Variants in CLPTM1L observed in about 807,000 individuals in gnomAD.
CLPTM1L encodes lipid scramblase CLPTM1L.
A neutral mutation model predicts 70.9 loss-of-function variants in CLPTM1L; 38 were observed. That is an observed-to-expected ratio of 0.54 (90% CI 0.41 to 0.70). The LOEUF (loss-of-function observed/expected upper bound fraction) is 0.70, where lower values mean the gene tolerates loss of function less well. CLPTM1L is among the 30% of genes least tolerant of loss of function. The pLI is 0.00. For synonymous variants in CLPTM1L, 339 were observed against 299.9 expected, an observed-to-expected ratio of 1.13 and a Z score of -1.35; for missense variants, 652 against 705.9, an observed-to-expected ratio of 0.92 and a Z score of 0.87.
chr5:1,319,169 G>T (rs941901907), intron 16 of CLPTM1L, among the ~76,000 whole-genome samples: 1 of 152,174 alleles, frequency 6.6e-6, no homozygotes, highest in Non-Finnish European at 1.5e-5. Flanking sequence ...AGCAGCGTCC[G>T]GGGCTCCGTG....
intron 13 of CLPTM1L, 39 bp from the exon 14 acceptor site, chr5:1,321,858 C>T: frequency 1.9e-6 from 3 of 1,588,312 alleles, no homozygotes; most frequent in Non-Finnish European, 2.6e-6. Context: ...GTGCGGAGGG[C>T]CGGGCTGCCA....
rs1163344577 is a variant in CLPTM1L at position 1,342,974 on chromosome 5, C to G, written c.264-1114G>C. Among the ~76,000 whole-genome samples the G allele has an allele frequency of 1.3e-5, 2 of 152,314 alleles. No homozygotes were observed. Among genetic ancestry groups the G allele is most frequent in the African/African-American group, 4.8e-5 (2 of 41,576 alleles). On this transcript the variant is annotated intron_variant, in intron 2 of 16. Coordinates refer to ENST00000320895, the MANE Select transcript of CLPTM1L (RefSeq NM_030782.5). This position sits in a 1 kb window ranked among gnomAD's most constrained non-coding sequence, Gnocchi z 4.3. ...TTGGGAGGCCGAGCCGGGCAGATCACGAGGTCAGGAGTTTCAGACCAGCCC... is the reference window on the plus strand; with the variant it reads ...TTGGGAGGCCGAGCCGGGCAGATCAGGAGGTCAGGAGTTTCAGACCAGCCC...
chr5:1,335,203 T>G, intron 5 of CLPTM1L, 29 bp from the exon 6 acceptor site: 4 of 1,521,774 alleles, frequency 2.6e-6, no homozygotes, highest in Non-Finnish European at 3.6e-6. Context: ...CTGAGGGCCC[T>G]GCCCTCATAC....
intron 3 of CLPTM1L, among the ~76,000 whole-genome samples, chr5:1,340,933 T>C (rs1753900609): frequency 1.3e-5 from 2 of 152,098 alleles, no homozygotes; most frequent in South Asian, 2.1e-4. Flanking sequence ...ATCCAGCTAA[T>C]TTTTGTATTT....
At chr5:1,332,044 C>T in intron 7 of CLPTM1L, 161 bp from the exon 8 acceptor site, 1 of 638,302 alleles carries the variant, frequency 1.6e-6, no homozygotes, top group Non-Finnish European at 2.8e-6. Flanking sequence ...CCTCTACGCG[C>T]CTGGCCTGCC....
chr5:1,319,132 C>T (rs766560329), intron 16 of CLPTM1L, among the ~76,000 whole-genome samples: 42 of 152,214 alleles, frequency 2.8e-4, no homozygotes, highest in Non-Finnish European at 4.7e-4. Context: ...TTGAAGGGCT[C>T]ACAGTTGAGA....
rs941518051 is a variant in CLPTM1L at position 1,318,247 on chromosome 5, G to A, written c.*122C>T. 2 of 754,530 alleles carry A rather than the reference G, an allele frequency of 2.7e-6. No individual in the cohort carries two copies. The highest frequency in any genetic ancestry group is 4.4e-6 in the Non-Finnish European group (2 of 450,716). 46.7% of individuals were successfully genotyped at this position (754,530 alleles called of 1,614,324 possible). On this transcript the variant is annotated 3_prime_UTR_variant, in exon 17 of 17. Transcript: ENST00000320895. This position sits in a 1 kb window ranked among gnomAD's most constrained non-coding sequence, Gnocchi z 8.9. ...TGATGGGAACTTGGGAGATGTCTGAGAAATGTCCGAAGGGATTTTGGCAAC... is the reference window on the plus strand; with the variant it reads ...TGATGGGAACTTGGGAGATGTCTGAAAAATGTCCGAAGGGATTTTGGCAAC...
At chr5:1,328,060 A>G (rs866837301) in intron 9 of CLPTM1L, among the ~76,000 whole-genome samples, 1 of 130 alleles carries the variant, frequency 7.7e-3, no homozygotes. Context: ...CTCCTCCTCT[A>G]CAGACACATT....
At chr5:1,321,713 G>A in intron 14 of CLPTM1L, 34 bp from the exon 15 acceptor site, 5 of 1,614,006 alleles carry the variant, frequency 3.1e-6, no homozygotes, top group South Asian at 1.1e-5. Context: ...GGTCAGCTGT[G>A]GGCAGCACAG....
At position 1,320,257 on chromosome 5, in the gene CLPTM1L, C is replaced by T. The variant is rs116556954; in HGVS notation, c.1532+359G>A. 1.9e-3 allele frequency: 341 copies of T among 176,812 alleles called. 1 individual carries two copies. Among genetic ancestry groups the T allele is most frequent in the Middle Eastern group, 4.6e-3 (2 of 434 alleles). The allele number at this position is 176,812 out of a possible 1,614,324, so 11.0% of individuals were successfully genotyped here. On this transcript the variant is annotated intron_variant, in intron 16 of 16. Coordinates refer to ENST00000320895, the MANE Select transcript of CLPTM1L (RefSeq NM_030782.5). The stretch of plus-strand genomic sequence containing the variant: ...TGCTGGCTGGACACTTCGAGGCTAG[C>T]GCCAAGTATGGATTAGCCATGCTAC...
At chr5:1,322,976 G>A in intron 12 of CLPTM1L, 65 bp from the exon 13 acceptor site, 2 of 1,448,538 alleles carry the variant, frequency 1.4e-6, no homozygotes, top group South Asian at 2.3e-5. Flanking sequence ...TTAAATTGAT[G>A]AAAAATAATT....
intron 16 of CLPTM1L, among the ~76,000 whole-genome samples, chr5:1,319,639 T>C (rs1468313317): frequency 6.6e-6 from 1 of 152,108 alleles, no homozygotes; most frequent in East Asian, 1.9e-4. Context: ...ACTAGTAGGA[T>C]GGCCCCAGGC....
intron 15 of CLPTM1L, among the ~76,000 whole-genome samples, chr5:1,321,110 A>T (rs556670312): frequency 4.6e-5 from 7 of 152,316 alleles, no homozygotes; most frequent in African/African-American, 1.7e-4. Flanking sequence ...CCAAGGGCAG[A>T]GCCACCTGAG....
intron 9 of CLPTM1L, among the ~76,000 whole-genome samples, chr5:1,327,428 A>C (rs1752677093): frequency 6.9e-6 from 1 of 145,028 alleles, no homozygotes; most frequent in Admixed American, 6.7e-5. Context: ...CTCTACAGAC[A>C]TATTTCATCC....
At chr5:1,337,854 G>C (rs1753675851) in intron 5 of CLPTM1L, 50 bp downstream of exon 5, 1 of 1,446,466 alleles carries the variant, frequency 6.9e-7, no homozygotes, top group Non-Finnish European at 9.6e-7. Context: ...GCCAGTCTTG[G>C]GGTCAGTGTC....
Position 1,324,763 on chromosome 5 carries a change from CTGAG to C in CLPTM1L, c.1193_1196del (p.Thr398ArgfsTer3). 1 of 1,614,068 alleles carries C rather than the reference CTGAG, an allele frequency of 6.2e-7. No homozygotes were observed. Among genetic ancestry groups the C allele is most frequent in the Non-Finnish European group, 8.5e-7 (1 of 1,179,896 alleles). ...GTGCCCTGAATCACAAGTGACTTACCTGAGTATCGTACTCCTCGGTTTTCCTCTC... is the reference window on the plus strand; with the variant it reads ...GTGCCCTGAATCACAAGTGACTTACCTATCGTACTCCTCGGTTTTCCTCTC... On this transcript the variant is annotated frameshift_variant and splice_region_variant, in exon 11 of 17. Coordinates refer to ENST00000320895, the MANE Select transcript of CLPTM1L (RefSeq NM_030782.5). LOFTEE classifies it high-confidence loss of function.
chr5:1,338,766 A>G, intron 4 of CLPTM1L, 94 bp downstream of exon 4: 1 of 1,450,764 alleles, frequency 6.9e-7, no homozygotes, highest in Non-Finnish European at 9.5e-7. Flanking sequence ...CACAGAGGGG[A>G]CTCCACGGTG....
At chr5:1,331,484 G>C (rs1579637847) in intron 8 of CLPTM1L, 2 of 444,760 alleles carry the variant, frequency 4.5e-6, no homozygotes, top group South Asian at 7.9e-5. Flanking sequence ...GAGCAGCCGG[G>C]AAGGCTCGAG....
At chr5:1,341,964 C>T (rs937664711) in intron 2 of CLPTM1L, 104 bp from the exon 3 acceptor site, 2 of 920,578 alleles carry the variant, frequency 2.2e-6, no homozygotes, top group African/African-American at 1.7e-5. Flanking sequence ...AATTTTAGCT[C>T]AGAAGTACTA....
Sources: gnomAD v4.1 joint callset for allele counts (sites outside exome capture counted in the v4.1 genomes callset) on GRCh38, gnomAD v4.1.1 for gene constraint, Gnocchi (gnomAD v3.1) non-coding constraint, MANE v1.5 for transcripts, NCBI Gene and HGNC (gene_info 2026-07-23, HGNC 2026-07-21) for gene names.